The following PCSK5 variants were observed in gnomAD, a reference collection of about 807,000 sequenced individuals.
PCSK5 encodes prohormone convertase 5.
In PCSK5, 129 loss-of-function variants were observed where a neutral mutation model predicts 233.2. The ratio of observed to expected loss-of-function variants is 0.55; its 90% CI spans 0.48 to 0.64. The LOEUF (loss-of-function observed/expected upper bound fraction) is 0.64, where lower values mean the gene tolerates loss of function less well. PCSK5 is among the 30% of genes least tolerant of loss of function. The probability of loss-of-function intolerance (pLI) is 0.00; values close to 1 mark genes in which losing one functional copy is unlikely to be tolerated. For missense variants in PCSK5, 2,076 were observed against 2,430.1 expected (o/e 0.85, Z 3.06); for synonymous variants, 825 against 879.2 (o/e 0.94, Z 1.09).
chr9:76,175,222 AAATGGAATGGAATGAAATGG>A (rs761960358), intron 14 of PCSK5, 93 bp downstream of exon 14: 41,013 of 506,848 alleles, frequency 0.081, 1,335 homozygotes, highest in South Asian at 0.14. Context: ...GAATGGAATG[AAATGGAATGGAATGAAATGG>A]AATGGAATGG....
chr9:76,097,472 C>G (rs1307387721), intron 8 of PCSK5, among the ~76,000 whole-genome samples: 4 of 152,130 alleles, frequency 2.6e-5, no homozygotes, highest in Non-Finnish European at 4.4e-5. Context: ...TTCTTATAGA[C>G]AGCACAAAGT....
intron 13 of PCSK5, among the ~76,000 whole-genome samples, chr9:76,170,861 T>C (rs141882058): frequency 6.6e-6 from 1 of 152,296 alleles, no homozygotes; most frequent in African/African-American, 2.4e-5. Flanking sequence ...TGCCTGCCAA[T>C]CTGAGAAAGT....
intron 9 of PCSK5, among the ~76,000 whole-genome samples, chr9:76,109,176 G>A (rs907498589): frequency 1.3e-5 from 2 of 152,172 alleles, no homozygotes; most frequent in African/African-American, 4.8e-5. Context: ...TCTCAATTAA[G>A]TGTCTGTGTT....
chr9:76,195,014 A>ATAACT (rs977699844), intron 20 of PCSK5: 4 of 181,898 alleles, frequency 2.2e-5, no homozygotes, highest in African/African-American at 9.5e-5. Context: ...GACATCAAAG[A>ATAACT]TAACTTACAA....
In PCSK5 at chr9:75,905,812, G is replaced by T. The variant is rs145749024; in HGVS notation, c.192+14439G>T. 9.3e-4 allele frequency among the ~76,000 whole-genome samples: 142 copies of T among 152,260 alleles called. 3 individuals are homozygous for T. The East Asian group carries it at 0.025, about 27-fold the overall frequency. On this transcript the variant is annotated intron_variant, in intron 1 of 37. Transcript: ENST00000674117. ...TATGAGAATCTAACTAATGCCTGAT[G>T]ATCTGATATGGAACAGTTTCATCCC... is the stretch of plus-strand genomic sequence containing the variant.
chr9:75,891,365 A>T lies in PCSK5; in HGVS notation c.184A>T (p.Ile62Leu). ...RIASKYGFIN[I>L]GQIGALKDYY... ...CGCCAGCAAGTACGGATTCATCAAC[A>T]TAGGACAGGTAACGAACTACAGGCT... The change falls in exon 1 of 38, where the codon ATA becomes TTA. Residue 62 changes from isoleucine to leucine, a missense_variant. Ile to Leu is a conservative substitution (Grantham distance 5). Transcript: ENST00000674117. The T allele has an allele frequency of 1.9e-6, 3 of 1,555,016 alleles. No homozygotes were observed. The highest frequency in any genetic ancestry group is 2.6e-6 in the Non-Finnish European group (3 of 1,155,668).
intron 2 of PCSK5, among the ~76,000 whole-genome samples, chr9:75,983,464 G>A (rs1346214478): frequency 3.3e-5 from 5 of 152,282 alleles, no homozygotes; most frequent in South Asian, 2.1e-4. Context: ...TTCTTAAGCA[G>A]CAAATGCACA....
At chr9:76,001,468 C>CTTTTTTTTT (rs34379742) in intron 3 of PCSK5, among the ~76,000 whole-genome samples, 4 of 87,148 alleles carry the variant, frequency 4.6e-5, no homozygotes, top group Admixed American at 1.5e-4. Context: ...ACCATCATAG[C>CTTTTTTTTT]TTTTTTTTTT....
intron 9 of PCSK5, among the ~76,000 whole-genome samples, chr9:76,131,402 T>A (rs1263396968): frequency 6.6e-6 from 1 of 152,136 alleles, no homozygotes; most frequent in Non-Finnish European, 1.5e-5. Context: ...TTTGGTGAAA[T>A]TCAGGAAATT....
In PCSK5 at chr9:76,246,159, G is replaced by GGT. The variant is rs547265971; in HGVS notation, c.3142+5477_3142+5478dup. Among the ~76,000 whole-genome samples the GGT allele has an allele frequency of 8.2e-3, 1,247 of 151,910 alleles. 49 individuals are homozygous for GGT. In the South Asian group the frequency reaches 0.12, roughly 15 times the overall value. The stretch of plus-strand genomic sequence containing the variant: ...AGTTTGAGACCATCCTGGACAACAT[G>GGT]GTGAAACCCCCGTCTCTACTAAAAA... On this transcript the variant is annotated intron_variant, in intron 24 of 37. Transcript: ENST00000674117.
intron 10 of PCSK5, among the ~76,000 whole-genome samples, chr9:76,146,532 AT>A (rs1283071904): frequency 1.3e-5 from 2 of 150,560 alleles, no homozygotes; most frequent in African/African-American, 4.9e-5. Flanking sequence ...ATGTATGTAT[AT>A]ATATATATGT....
intron 1 of PCSK5, among the ~76,000 whole-genome samples, chr9:75,899,181 A>T (rs943705000): frequency 1.5e-4 from 23 of 152,202 alleles, no homozygotes; most frequent in African/African-American, 5.6e-4. Flanking sequence ...CCTTGGGACC[A>T]GGAGAATGGT....
chr9:76,228,864 G>A (rs915256812), intron 21 of PCSK5, among the ~76,000 whole-genome samples: 1 of 152,186 alleles, frequency 6.6e-6, no homozygotes, highest in African/African-American at 2.4e-5. Flanking sequence ...TCTTGCAAGC[G>A]GGTGCTGTGG....
At chr9:75,920,755 G>A (rs538493315) in intron 1 of PCSK5, among the ~76,000 whole-genome samples, 27 of 152,078 alleles carry the variant, frequency 1.8e-4, no homozygotes, top group Non-Finnish European at 2.6e-4. Context: ...GCAGAGAGCC[G>A]AGATTGCACC....
At chr9:75,974,469 C>T (rs573242278) in intron 2 of PCSK5, among the ~76,000 whole-genome samples, 22 of 152,068 alleles carry the variant, frequency 1.4e-4, no homozygotes, top group Non-Finnish European at 2.5e-4. Context: ...TCCCTTTGCC[C>T]GGGGATTTTG....
At chr9:76,131,702 T>C (rs1587667306) in intron 9 of PCSK5, among the ~76,000 whole-genome samples, 1 of 152,090 alleles carries the variant, frequency 6.6e-6, no homozygotes, top group Non-Finnish European at 1.5e-5. Flanking sequence ...AAATTTTTAG[T>C]GCTAAGTTTC....
intron 30 of PCSK5, 117 bp from the exon 31 acceptor site, chr9:76,321,305 T>C (rs1478063123): frequency 4.7e-6 from 3 of 635,222 alleles, no homozygotes; most frequent in Non-Finnish European, 8.5e-6. Context: ...CATGGATGCC[T>C]CTCAGCTGAC....
At chr9:75,907,313 C>T (rs1278074638) in intron 1 of PCSK5, among the ~76,000 whole-genome samples, 1 of 151,770 alleles carries the variant, frequency 6.6e-6, no homozygotes, top group Non-Finnish European at 1.5e-5. Context: ...AGACATGGAA[C>T]GTACGTAAAA....
chr9:76,295,450 G>A (rs1383994004), intron 26 of PCSK5, 39 bp downstream of exon 26: 1 of 1,600,598 alleles, frequency 6.2e-7, no homozygotes, highest in African/African-American at 1.3e-5. Context: ...TAAGAACCAG[G>A]CACTGGAGCT....
Sources: allele counts gnomAD v4.1 joint callset (sites outside exome capture counted in the v4.1 genomes callset), GRCh38; gene constraint gnomAD v4.1.1; transcripts MANE v1.5; gene names NCBI Gene and HGNC (gene_info 2026-07-23, HGNC 2026-07-21).